FHIT: variants seen among roughly 807,000 people sequenced by gnomAD.
FHIT encodes the protein bis(5'-adenosyl)-triphosphatase.
A neutral mutation model predicts 17.9 loss-of-function variants in FHIT; 19 were observed. The ratio of observed to expected loss-of-function variants is 1.06; its 90% CI spans 0.74 to 1.56. The LOEUF is 1.56. Ranked by LOEUF, FHIT falls within the 40% of genes most tolerant of loss-of-function variation. FHIT has a pLI of 0.00. For synonymous variants in FHIT, 81 were observed against 69.7 expected (o/e 1.16, Z -0.81); for missense variants, 248 against 189.2 (o/e 1.31, Z -1.82).
intron 4 of FHIT, among the ~76,000 whole-genome samples, chr3:60,580,988 C>A (rs1417078876): frequency 6.6e-6 from 1 of 151,950 alleles, no homozygotes; most frequent in East Asian, 1.9e-4. Flanking sequence ...AAGTCTGGGG[C>A]GGTGGCTGAG....
chr3:59,872,636 A>T (rs1412326851), intron 8 of FHIT, among the ~76,000 whole-genome samples: 4 of 152,152 alleles, frequency 2.6e-5, no homozygotes, highest in Non-Finnish European at 5.9e-5. Context: ...ATAGTTTTTT[A>T]AAAAAAGAAC....
At chr3:60,801,166 C>T (rs1701173080) in intron 4 of FHIT, among the ~76,000 whole-genome samples, 1 of 152,202 alleles carries the variant, frequency 6.6e-6, no homozygotes, top group Admixed American at 6.5e-5. Flanking sequence ...CATGTCTAAA[C>T]AAGGCATGGA....
At chr3:59,954,850 C>T (rs1050564875) in intron 7 of FHIT, among the ~76,000 whole-genome samples, 3 of 152,186 alleles carry the variant, frequency 2.0e-5, no homozygotes, top group Admixed American at 6.5e-5. Context: ...CCCAAGCTTA[C>T]ATGCTAGGGC....
chr3:60,066,239 G>A (rs753611151), intron 5 of FHIT, among the ~76,000 whole-genome samples: 1 of 152,032 alleles, frequency 6.6e-6, no homozygotes, highest in Non-Finnish European at 1.5e-5. Flanking sequence ...GTCAAACTCA[G>A]GCTTAGTTTT....
intron 4 of FHIT, among the ~76,000 whole-genome samples, chr3:60,607,021 G>T (rs188754260): frequency 7.9e-5 from 12 of 152,192 alleles, no homozygotes; most frequent in African/African-American, 2.9e-4. Flanking sequence ...TTCCATTGCT[G>T]GACCTCTATA....
At chr3:59,845,014 T>C (rs550461191) in intron 8 of FHIT, among the ~76,000 whole-genome samples, 59 of 152,236 alleles carry the variant, frequency 3.9e-4, no homozygotes, top group African/African-American at 1.4e-3. Flanking sequence ...CTTAGTCTCA[T>C]AGGTTTTGTG....
intron 8 of FHIT, among the ~76,000 whole-genome samples, chr3:59,789,272 C>T (rs1052101402): frequency 6.6e-6 from 1 of 152,106 alleles, no homozygotes; most frequent in African/African-American, 2.4e-5. Context: ...GAAGAAAATA[C>T]CAAACATCTT....
intron 5 of FHIT, among the ~76,000 whole-genome samples, chr3:60,434,398 C>G (rs191598765): frequency 2.0e-5 from 3 of 152,202 alleles, no homozygotes; most frequent in African/African-American, 7.2e-5. Flanking sequence ...CTCTTTCTGA[C>G]ACATTTTCTT....
intron 2 of FHIT, among the ~76,000 whole-genome samples, chr3:61,113,682 C>T (rs1038085392): frequency 1.3e-5 from 2 of 152,216 alleles, no homozygotes; most frequent in Non-Finnish European, 2.9e-5. Flanking sequence ...TTGAATTGAA[C>T]TGTAAGAGTC....
intron 7 of FHIT, among the ~76,000 whole-genome samples, chr3:59,995,536 T>C (rs922800688): frequency 6.6e-6 from 1 of 152,096 alleles, no homozygotes; most frequent in African/African-American, 2.4e-5. Context: ...AACACCAGAG[T>C]AATGTTTTAT....
rs191919615 is a variant in FHIT at position 60,388,187 on chromosome 3, C to G, written c.103+148673G>C. Among the ~76,000 whole-genome samples the G allele has an allele frequency of 3.9e-5, 6 of 152,294 alleles. 1 individual carries two copies. The highest frequency in any genetic ancestry group is 3.9e-4 in the Admixed American group (6 of 15,292). Reference sequence around the variant, plus strand: ...GCACACAAATGGACTAAGACAATTTCTAACCACATCTGAGATAAAATTAAC... The same window carrying G: ...GCACACAAATGGACTAAGACAATTTGTAACCACATCTGAGATAAAATTAAC... On this transcript the variant is annotated intron_variant, in intron 5 of 9. Coordinates refer to ENST00000492590, the MANE Select transcript of FHIT (RefSeq NM_002012.4).
chr3:60,927,299 T>C (rs1033680286), intron 3 of FHIT, among the ~76,000 whole-genome samples: 2 of 152,232 alleles, frequency 1.3e-5, no homozygotes, highest in African/African-American at 4.8e-5. Context: ...GCTCACTCAG[T>C]GCTCAATGTT....
intron 3 of FHIT, among the ~76,000 whole-genome samples, chr3:60,901,415 A>G (rs1310707997): frequency 1.3e-5 from 2 of 152,224 alleles, no homozygotes; most frequent in African/African-American, 4.8e-5. Context: ...GAAGCCTAAG[A>G]TCTTTTATTA....
intron 5 of FHIT, among the ~76,000 whole-genome samples, chr3:60,441,720 A>ATT (rs1323059140): frequency 6.9e-5 from 4 of 57,700 alleles, no homozygotes; most frequent in East Asian, 4.6e-4. Flanking sequence ...ATATATATAT[A>ATT]TATTTGTATT....
chr3:60,124,041 G>GAGAGAGAGAGAGAGAGAGAGAGAGAGAC (rs1705417901), intron 5 of FHIT, among the ~76,000 whole-genome samples: 2 of 47,672 alleles, frequency 4.2e-5, no homozygotes, highest in African/African-American at 1.0e-4. Context: ...GAGAGAGAGA[G>GAGAGAGAGAGAGAGAGAGAGAGAGAGAC]AGAGAGAGAG....
At chr3:60,875,747 T>C (rs1704620106) in intron 3 of FHIT, among the ~76,000 whole-genome samples, 1 of 152,142 alleles carries the variant, frequency 6.6e-6, no homozygotes, top group Admixed American at 6.6e-5. Flanking sequence ...ACATAGTAGA[T>C]TATGATCATT....
chr3:60,008,200 C>T (rs922630007), intron 7 of FHIT, among the ~76,000 whole-genome samples: 1 of 152,056 alleles, frequency 6.6e-6, no homozygotes, highest in African/African-American at 2.4e-5. Context: ...AGAGCTACTT[C>T]AGATGAAGGG....
chr3:59,905,369 G>A (rs565744650), intron 8 of FHIT, among the ~76,000 whole-genome samples: 1 of 152,180 alleles, frequency 6.6e-6, no homozygotes. Context: ...GGTGATACCA[G>A]TAAGACCAGG....
intron 4 of FHIT, among the ~76,000 whole-genome samples, chr3:60,724,941 G>T (rs146272483): frequency 6.6e-6 from 1 of 152,012 alleles, no homozygotes; most frequent in South Asian, 2.1e-4. Flanking sequence ...GAGCCAACGC[G>T]CCCAAACTTA....
Sources: gnomAD v4.1 joint callset for allele counts (sites outside exome capture counted in the v4.1 genomes callset) on GRCh38, gnomAD v4.1.1 for gene constraint, MANE v1.5 for transcripts, NCBI Gene and HGNC (gene_info 2026-07-23, HGNC 2026-07-21) for gene names.